Variants in SHTN1 observed in about 807,000 individuals in gnomAD.
SHTN1 encodes shootin 1.
SHTN1 carries 42 observed loss-of-function variants against 83.1 expected under a neutral mutation model. The observed-to-expected ratio is 0.51, with a 90% CI of 0.39 to 0.65. The LOEUF is 0.65. Ranked by LOEUF, SHTN1 falls within the 30% of genes least tolerant of loss-of-function variation. SHTN1 has a pLI of 0.00. For missense variants in SHTN1, 622 were observed against 737.8 expected, an observed-to-expected ratio of 0.84 and a Z score of 1.82; for synonymous variants, 224 against 247.7, an observed-to-expected ratio of 0.90 and a Z score of 0.90.
At chr10:117,092,490 C>G (rs975390181) in intron 1 of SHTN1, among the ~76,000 whole-genome samples, 1 of 152,104 alleles carries the variant, frequency 6.6e-6, no homozygotes, top group African/African-American at 2.4e-5. Flanking sequence ...AATGCAGACA[C>G]GGTATTTAAA....
intron 15 of SHTN1, among the ~76,000 whole-genome samples, chr10:116,902,788 G>A (rs1847797633): frequency 6.6e-6 from 1 of 152,230 alleles, no homozygotes; most frequent in Admixed American, 6.5e-5. Flanking sequence ...AATAAAGTGA[G>A]AGGATAACCT....
rs528995911 is a variant in SHTN1, at chr10:116,912,530, G to C, written c.1306-687C>G. On this transcript the variant is annotated intron_variant, in intron 13 of 16. Transcript: ENST00000355371. ...TTTGAGTTAGGTGTCTTGATTACAA[G>C]CTCAGCTCTCTTCTGGCCATACCAT... 1.4e-4 allele frequency among the ~76,000 whole-genome samples: 21 copies of C among 152,296 alleles called. No homozygotes were observed. In the East Asian group the frequency reaches 3.9e-3, roughly 28 times the overall value.
At chr10:116,973,525 A>G (rs1365142750) in intron 2 of SHTN1, among the ~76,000 whole-genome samples, 1 of 152,228 alleles carries the variant, frequency 6.6e-6, no homozygotes, top group East Asian at 1.9e-4. Flanking sequence ...GGGCCCACAC[A>G]GCCCAGCCAC....
intron 1 of SHTN1, among the ~76,000 whole-genome samples, chr10:117,073,384 TAACTC>T (rs1269050483): frequency 1.3e-5 from 2 of 152,230 alleles, no homozygotes; most frequent in African/African-American, 4.8e-5. Context: ...ATTCTCATAA[TAACTC>T]TATGAAGTAC....
At chr10:117,061,177 C>T (rs550681370) in intron 1 of SHTN1, among the ~76,000 whole-genome samples, 42 of 141,658 alleles carry the variant, frequency 3.0e-4, no homozygotes, top group African/African-American at 1.1e-3. Context: ...GGTGGAGTCT[C>T]GCTGTGTCAC....
chr10:116,963,044 T>G lies in SHTN1; in HGVS notation c.173-2814A>C, dbSNP rs897615694. On this transcript the variant is annotated intron_variant, in intron 3 of 16. Coordinates refer to ENST00000355371, the MANE Select transcript of SHTN1 (RefSeq NM_001127211.3). ...ATTTTGAATAATAAAAGTTTTTTTT[T>G]TTTTTTTTTTTTTTTTTTTTTTTTT... 2.0e-3 allele frequency among the ~76,000 whole-genome samples: 13 copies of G among 6,342 alleles called. No homozygotes were observed. In the South Asian group the frequency reaches 0.031, roughly 15 times the overall value. The allele number at this position is 6,342 out of a possible 152,430, so 4.2% of individuals were successfully genotyped here. A position where few individuals can be genotyped will look rare whatever the true frequency, so the allele number is the denominator to read the frequency against.
At chr10:116,979,222 G>T (rs1383989396) in intron 2 of SHTN1, 34 bp downstream of exon 2, 1 of 1,583,784 alleles carries the variant, frequency 6.3e-7, no homozygotes, top group Non-Finnish European at 8.7e-7. Context: ...TTTTACACAT[G>T]TAAGAAAGGG....
Position 116,962,959 on chromosome 10 carries a change from C to T in SHTN1, c.173-2729G>A, listed in dbSNP as rs145644818. Reference sequence around the variant, plus strand: ...AAAAGCATGACCCCATTTCCAAAACCAAAAGTCAAGTCACATGACGCAAAA... The same window carrying T: ...AAAAGCATGACCCCATTTCCAAAACTAAAAGTCAAGTCACATGACGCAAAA... On this transcript the variant is annotated intron_variant, in intron 3 of 16. Transcript: ENST00000355371. Among the ~76,000 whole-genome samples the T allele has an allele frequency of 2.3e-4, 33 of 143,926 alleles. No homozygotes were observed. The East Asian group carries it at 6.9e-3, about 30-fold the overall frequency. The allele number at this position is 143,926 out of a possible 152,430, so 94.4% of individuals were successfully genotyped here. A position where few individuals can be genotyped will look rare whatever the true frequency, so the allele number is the denominator to read the frequency against.
At chr10:116,994,897 C>G (rs555429193) in intron 1 of SHTN1, among the ~76,000 whole-genome samples, 1 of 151,918 alleles carries the variant, frequency 6.6e-6, no homozygotes, top group African/African-American at 2.4e-5. Context: ...ATTCTGCATG[C>G]TAAATTATAT....
intron 1 of SHTN1, among the ~76,000 whole-genome samples, chr10:117,077,299 G>A (rs1045681784): frequency 6.6e-6 from 1 of 152,210 alleles, no homozygotes; most frequent in African/African-American, 2.4e-5. Flanking sequence ...AAGATGGAAA[G>A]ATAGTGAATG....
intron 1 of SHTN1, among the ~76,000 whole-genome samples, chr10:116,985,732 C>T (rs761598171): frequency 1.3e-5 from 2 of 152,142 alleles, no homozygotes; most frequent in East Asian, 1.9e-4. Context: ...AGACTTTCAT[C>T]CATTCAGTCT....
chr10:117,036,355 T>C (rs564448827), intron 2 of SHTN1, among the ~76,000 whole-genome samples: 62 of 152,310 alleles, frequency 4.1e-4, no homozygotes, highest in Non-Finnish European at 6.0e-4. Flanking sequence ...TGCAGCACTG[T>C]TTGCAATAGC....
intron 16 of SHTN1, among the ~76,000 whole-genome samples, chr10:116,899,524 TGTGTGTGTGTGTGTGTGTGTGTGAGA>T (rs1375776111): frequency 1.2e-5 from 1 of 85,372 alleles, no homozygotes; most frequent in African/African-American, 3.1e-5. Flanking sequence ...TGTGTGTGTG[TGTGTGTGTGTGTGTGTGTGTGTGAGA>T]GAGTGCATGC....
At chr10:116,930,465 C>T (rs1367351575) in intron 9 of SHTN1, among the ~76,000 whole-genome samples, 1 of 152,150 alleles carries the variant, frequency 6.6e-6, no homozygotes, top group African/African-American at 2.4e-5. Context: ...TTAGCTCCCA[C>T]TTAGAAGTGA....
At chr10:117,002,532 T>C (rs149333414) in intron 1 of SHTN1, among the ~76,000 whole-genome samples, 119 of 152,314 alleles carry the variant, frequency 7.8e-4, no homozygotes, top group African/African-American at 2.7e-3. Flanking sequence ...TAACAGGTAG[T>C]AAAAATTACT....
rs1398973047 is a variant in SHTN1, at chr10:116,940,499, T to C, written c.825A>G (p.Gln275=). The C allele has an allele frequency of 1.2e-6, 2 of 1,613,934 alleles. No homozygotes were observed. Among genetic ancestry groups the C allele is most frequent in the East Asian group, 2.2e-5 (1 of 44,878 alleles). ...ALDENAKLTQ[Q]LEEERIQHQQ... ...GATGCTGAATTCTCTCTTCTTCAAG[T>C]TGCTGGGTGAGTTTTGCATTTTCGT... is the stretch of plus-strand genomic sequence containing the variant. The change falls in exon 9 of 17, where the codon CAA becomes CAG. Residue 275 remains glutamine (Q), a synonymous_variant. Coordinates refer to ENST00000355371, the MANE Select transcript of SHTN1 (RefSeq NM_001127211.3).
chr10:117,111,125 G>A (rs1411075865), intron 1 of SHTN1, among the ~76,000 whole-genome samples: 1 of 151,902 alleles, frequency 6.6e-6, no homozygotes, highest in Admixed American at 6.6e-5. Context: ...TTGAACCTGG[G>A]AGGGGGAGGT....
At chr10:117,022,739 G>T (rs1246010547) in intron 2 of SHTN1, among the ~76,000 whole-genome samples, 1 of 152,082 alleles carries the variant, frequency 6.6e-6, no homozygotes, top group Non-Finnish European at 1.5e-5. Flanking sequence ...TGGCCAACAT[G>T]GTGAAACTTC....
At chr10:117,032,064 C>T (rs200595820) in intron 2 of SHTN1, among the ~76,000 whole-genome samples, 11 of 149,646 alleles carry the variant, frequency 7.4e-5, no homozygotes, top group Non-Finnish European at 1.5e-4. Flanking sequence ...AAAAAAAATT[C>T]CATCCAAATG....
Sources: gnomAD v4.1 joint callset for allele counts (sites outside exome capture counted in the v4.1 genomes callset) on GRCh38, gnomAD v4.1.1 for gene constraint, MANE v1.5 for transcripts, NCBI Gene and HGNC (gene_info 2026-07-23, HGNC 2026-07-21) for gene names.